AFAP1: variants seen among roughly 807,000 people sequenced by gnomAD.
AFAP1 encodes actin filament associated protein 1, also known as actin filament-associated protein 1.
AFAP1 carries 75 observed loss-of-function variants against 93.9 expected under a neutral mutation model. The ratio of observed to expected loss-of-function variants is 0.80; its 90% CI spans 0.66 to 0.97. The LOEUF (loss-of-function observed/expected upper bound fraction) is 0.97. AFAP1 is among the 50% of genes least tolerant of loss of function. AFAP1 has a pLI of 0.00. For missense variants in AFAP1, 1,201 were observed against 1,050.8 expected (o/e 1.14, Z -1.98); for synonymous variants, 517 against 430.7 (o/e 1.20, Z -2.48).
At chr4:7,851,199 C>T (rs1033203720) in intron 4 of AFAP1, among the ~76,000 whole-genome samples, 2 of 152,116 alleles carry the variant, frequency 1.3e-5, no homozygotes, top group East Asian at 1.9e-4. Flanking sequence ...CTGGCAGAGA[C>T]GTAATGCTTC....
intron 8 of AFAP1, among the ~76,000 whole-genome samples, chr4:7,813,663 A>G (rs1227172791): frequency 6.6e-6 from 1 of 152,230 alleles, no homozygotes; most frequent in Non-Finnish European, 1.5e-5. Context: ...TTGATTACAC[A>G]TAATGTGTGC....
chr4:7,868,761 GGAT>G lies in AFAP1; in HGVS notation c.128-45_128-43del, dbSNP rs1246711086. ...GAACCACAGAACTGGATGAGGATGGGGATGAGAAGGGTACCACTAGCATCTATC... is the reference window on the plus strand; with the variant it reads ...GAACCACAGAACTGGATGAGGATGGGGAGAAGGGTACCACTAGCATCTATC... On this transcript the variant is annotated intron_variant, in intron 2 of 17. Coordinates refer to ENST00000420658, the MANE Select transcript of AFAP1 (RefSeq NM_001134647.2). 8 of 1,555,878 alleles carry G rather than the reference GGAT, an allele frequency of 5.1e-6. No individual in the cohort carries two copies. In the African/African-American group the frequency reaches 8.4e-5, roughly 16 times the overall value.
intron 6 of AFAP1, among the ~76,000 whole-genome samples, chr4:7,832,260 G>A (rs937201407): frequency 3.9e-5 from 6 of 151,992 alleles, no homozygotes; most frequent in African/African-American, 1.4e-4. Context: ...ATCATCTGGA[G>A]GGGAAAAAAG....
chr4:7,846,582 T>C (rs931621202), intron 4 of AFAP1, among the ~76,000 whole-genome samples: 5 of 152,176 alleles, frequency 3.3e-5, no homozygotes, highest in African/African-American at 1.2e-4. Flanking sequence ...AATAATGAAG[T>C]AAAGATTTAA....
chr4:7,918,966 T>TCACCA (rs1560236337), intron 1 of AFAP1, among the ~76,000 whole-genome samples: 60 of 35,604 alleles, frequency 1.7e-3, no homozygotes, highest in African/African-American at 4.7e-3. Flanking sequence ...ACAGGGCTGT[T>TCACCA]GGAAGAGACA....
rs7665218 is a variant in AFAP1, at chr4:7,892,459, G to A, written c.-2-20379C>T. ...CATTCCCCAAGGAGACACTGGGGGA[G>A]GGGCAGCCCACAGAAACGGGGAGGT... On this transcript the variant is annotated intron_variant, in intron 1 of 17. Coordinates refer to ENST00000420658, the MANE Select transcript of AFAP1 (RefSeq NM_001134647.2). Among the ~76,000 whole-genome samples the A allele has an allele frequency of 5.9e-3, 893 of 152,312 alleles. 6 individuals are homozygous for A. Among genetic ancestry groups the A allele is most frequent in the African/African-American group, 0.019 (782 of 41,562 alleles).
At chr4:7,845,664 C>T (rs1713597256) in intron 4 of AFAP1, among the ~76,000 whole-genome samples, 1 of 152,054 alleles carries the variant, frequency 6.6e-6, no homozygotes, top group Non-Finnish European at 1.5e-5. Flanking sequence ...CACCCTCCGC[C>T]CACAGGTGGG....
chr4:7,861,718 G>A (rs192203895), intron 3 of AFAP1, among the ~76,000 whole-genome samples: 2 of 152,286 alleles, frequency 1.3e-5, no homozygotes, highest in East Asian at 1.9e-4. Context: ...GCCATAAAGC[G>A]AATTGAAAAC....
chr4:7,936,674 C>T (rs1440861053), intron 1 of AFAP1, among the ~76,000 whole-genome samples: 1 of 151,824 alleles, frequency 6.6e-6, no homozygotes, highest in South Asian at 2.1e-4. Flanking sequence ...CTCTGCCTCC[C>T]AGGTTCAAGT....
At chr4:7,915,216 G>A (rs986488423) in intron 1 of AFAP1, among the ~76,000 whole-genome samples, 9 of 109,980 alleles carry the variant, frequency 8.2e-5, no homozygotes, top group South Asian at 3.3e-4. Context: ...CCTACGGTGC[G>A]TAAGAGTTCC....
intron 13 of AFAP1, among the ~76,000 whole-genome samples, chr4:7,780,549 G>A (rs1236300311): frequency 6.6e-6 from 1 of 152,166 alleles, no homozygotes; most frequent in Non-Finnish European, 1.5e-5. Flanking sequence ...ACGGTGGCAT[G>A]TGCCTGTTGT....
At chr4:7,934,390 C>G (rs1373104462) in intron 1 of AFAP1, among the ~76,000 whole-genome samples, 2 of 152,232 alleles carry the variant, frequency 1.3e-5, no homozygotes, top group South Asian at 2.1e-4. Context: ...ACGAGTCCCA[C>G]TTCTGCATCT....
chr4:7,816,968 C>T (rs994007104), intron 7 of AFAP1, among the ~76,000 whole-genome samples: 2 of 152,216 alleles, frequency 1.3e-5, no homozygotes, highest in Non-Finnish European at 2.9e-5. Context: ...ACCGCCCTGG[C>T]TCTCACACCA....
intron 1 of AFAP1, among the ~76,000 whole-genome samples, chr4:7,915,477 TA>T (rs34939228): frequency 3.0e-4 from 44 of 146,964 alleles, no homozygotes; most frequent in Non-Finnish European, 3.0e-4. Context: ...AAACCCCATC[TA>T]AAAAAAAAAA....
chr4:7,883,386 A>G (rs1488733341), intron 1 of AFAP1, among the ~76,000 whole-genome samples: 1 of 152,158 alleles, frequency 6.6e-6, no homozygotes, highest in African/African-American at 2.4e-5. Context: ...AACTTGATAA[A>G]ATACATGTAC....
chr4:7,916,894 T>A (rs1720112165), intron 1 of AFAP1, among the ~76,000 whole-genome samples: 1 of 152,178 alleles, frequency 6.6e-6, no homozygotes. Context: ...CCAGTGCATT[T>A]TCAGGAACAG....
At chr4:7,768,152 C>G (rs372148361) in intron 17 of AFAP1, among the ~76,000 whole-genome samples, 2 of 152,264 alleles carry the variant, frequency 1.3e-5, no homozygotes, top group East Asian at 3.9e-4. Context: ...TCCAGCCCCT[C>G]GGGGCGGGGC....
At chr4:7,819,008 A>G (rs928842362) in intron 7 of AFAP1, 68 bp downstream of exon 7, 1 of 1,369,458 alleles carries the variant, frequency 7.3e-7, no homozygotes, top group Admixed American at 2.5e-5. Flanking sequence ...GATTGTTATC[A>G]AACTTTGAAA....
intron 9 of AFAP1, among the ~76,000 whole-genome samples, chr4:7,805,372 C>A (rs11736912): frequency 0.11 from 16,301 of 152,154 alleles, 1,357 homozygotes; most frequent in East Asian, 0.48. Context: ...TCCGACTTGC[C>A]CCCTGGGGCC....
Sources: allele counts gnomAD v4.1 joint callset (sites outside exome capture counted in the v4.1 genomes callset), GRCh38; gene constraint gnomAD v4.1.1; transcripts MANE v1.5; gene names NCBI Gene and HGNC (gene_info 2026-07-23, HGNC 2026-07-21).